OLFM1: variants seen among roughly 807,000 people sequenced by gnomAD.
OLFM1 encodes the protein olfactomedin 1.
OLFM1 carries 9 observed loss-of-function variants against 49.7 expected under a neutral mutation model. The ratio of observed to expected loss-of-function variants is 0.18; its 90% CI spans 0.11 to 0.32. The LOEUF is 0.32. OLFM1 is among the 10% of genes least tolerant of loss of function. The pLI is 1.00. For missense variants in OLFM1, 369 were observed against 661.8 expected (o/e 0.56, Z 4.85); for synonymous variants, 240 against 271.8 (o/e 0.88, Z 1.15).
At chr9:135,110,630 A>ATCAACGCCCCTTCCAGTCACTTC (rs1476400158) in intron 5 of OLFM1, among the ~76,000 whole-genome samples, 4 of 152,166 alleles carry the variant, frequency 2.6e-5, no homozygotes, top group African/African-American at 9.7e-5. Flanking sequence ...TGCAATAAAC[A>ATCAACGCCCCTTCCAGTCACTTC]TCAACGCCCC....
At chr9:135,090,640 CT>C (rs569842127) in intron 2 of OLFM1, among the ~76,000 whole-genome samples, 77 of 152,218 alleles carry the variant, frequency 5.1e-4, no homozygotes, top group African/African-American at 1.6e-3. Context: ...GACCTGCCCC[CT>C]GTCACCACAG....
chr9:135,086,839 C>A (rs1046488696), upstream of OLFM1: 2 of 400,726 alleles, frequency 5.0e-6, no homozygotes, highest in Non-Finnish European at 1.0e-5. Context: ...AGTAAGGACA[C>A]CCCCCAACCC....
chr9:135,075,862 C>A (rs1383903082), intron 1 of OLFM1: 6 of 1,505,360 alleles, frequency 4.0e-6, no homozygotes, highest in Non-Finnish European at 4.5e-6. Context: ...CCCTCGGGAG[C>A]CCCACAAAGT....
At chr9:135,082,121 G>C (rs1406357322) in intron 1 of OLFM1, among the ~76,000 whole-genome samples, 1 of 152,204 alleles carries the variant, frequency 6.6e-6, no homozygotes, top group Non-Finnish European at 1.5e-5. Flanking sequence ...CCAGCAGCAG[G>C]GATCTTGCCC....
At chr9:135,091,255 C>T (rs1260827343) in intron 2 of OLFM1, among the ~76,000 whole-genome samples, 2 of 152,238 alleles carry the variant, frequency 1.3e-5, no homozygotes, top group African/African-American at 4.8e-5. Flanking sequence ...TGTGGTTAAC[C>T]TGGGTTCTGG....
intron 1 of OLFM1, among the ~76,000 whole-genome samples, chr9:135,089,028 G>A (rs1039808345): frequency 6.6e-6 from 1 of 152,216 alleles, no homozygotes; most frequent in Non-Finnish European, 1.5e-5. Flanking sequence ...TGGCCCTTTA[G>A]GCTGAAAGGA....
chr9:135,098,641 G>C lies in OLFM1; in HGVS notation c.676+136G>C, dbSNP rs900624391. ...ATGGCTGGATTAGGGCTCCTGGGCA[G>C]GTCTACCTTGAGAGACAGCAAAGGA... On this transcript the variant is annotated intron_variant, in intron 4 of 5. Transcript: ENST00000371793. This position sits in a 1 kb window ranked among gnomAD's most constrained non-coding sequence, Gnocchi z 5.6. The C allele has an allele frequency of 4.1e-6, 3 of 730,948 alleles. No homozygotes were observed. In the Admixed American group the frequency reaches 7.4e-5, roughly 18 times the overall value. The allele number at this position is 730,948 out of a possible 1,614,324, so 45.3% of individuals were successfully genotyped here. A position where few individuals can be genotyped will look rare whatever the true frequency, so the allele number is the denominator to read the frequency against.
In OLFM1 at chr9:135,098,068, G is replaced by A. The variant is rs921212020; in HGVS notation, c.457-218G>A. The A allele has an allele frequency of 6.3e-6, 9 of 1,428,660 alleles. No homozygotes were observed. In the African/African-American group the frequency reaches 1.0e-4, roughly 16 times the overall value. 88.5% of individuals were successfully genotyped at this position (1,428,660 alleles called of 1,614,324 possible). A position where few individuals can be genotyped will look rare whatever the true frequency, so the allele number is the denominator to read the frequency against. The stretch of plus-strand genomic sequence containing the variant: ...GACTCAAAGCATGTAACCTTAAGAT[G>A]TTGCATTCTAAACTGACAATAAAGA... On this transcript the variant is annotated intron_variant, in intron 3 of 5. Transcript: ENST00000371793. This position sits in a 1 kb window ranked among gnomAD's most constrained non-coding sequence, Gnocchi z 5.6.
At chr9:135,091,814 T>A in intron 2 of OLFM1, among the ~76,000 whole-genome samples, 1 of 70,944 alleles carries the variant, frequency 1.4e-5, no homozygotes, top group African/African-American at 6.2e-5. Flanking sequence ...CACACTCACA[T>A]AGTCACACAC....
intron 5 of OLFM1, among the ~76,000 whole-genome samples, chr9:135,108,130 G>C (rs1830971706): frequency 6.6e-6 from 1 of 152,220 alleles, no homozygotes; most frequent in African/African-American, 2.4e-5. Flanking sequence ...GTTTGTCAGG[G>C]AGGTTTTTCT....
chr9:135,089,953 C>T (rs942890589), intron 1 of OLFM1, among the ~76,000 whole-genome samples: 4 of 152,172 alleles, frequency 2.6e-5, no homozygotes, highest in African/African-American at 9.7e-5. Flanking sequence ...ATTTTAAGAA[C>T]GTAAAGGGTC....
upstream of OLFM1, chr9:135,086,739 T>G: frequency 2.2e-6 from 1 of 455,380 alleles, no homozygotes; most frequent in Admixed American, 2.4e-5. Context: ...CCTGCTGCGG[T>G]CGCCGCAGAG....
rs1450754040 is a variant in OLFM1, at chr9:135,094,515, G to T, written c.301-1349G>T. ...AGGAAGACAACAAGAGAATCAGGCA[G>T]GTGGTATTAGAGGTATGCTTCCGTT... On this transcript the variant is annotated intron_variant, in intron 2 of 5. Transcript: ENST00000371793. Among the ~76,000 whole-genome samples the T allele has an allele frequency of 4.6e-5, 7 of 152,180 alleles. No individual in the cohort carries two copies. The South Asian group carries it at 1.5e-3, about 32-fold the overall frequency.
chr9:135,106,600 C>T (rs1274940877), intron 4 of OLFM1, 149 bp from the exon 5 acceptor site: 8 of 607,862 alleles, frequency 1.3e-5, no homozygotes, highest in South Asian at 2.0e-5. Flanking sequence ...AAAACAAGGG[C>T]GTGAGCAGCT....
chr9:135,076,678 C>T, intron 1 of OLFM1: 7 of 1,325,906 alleles, frequency 5.3e-6, no homozygotes, highest in Non-Finnish European at 7.0e-6. Context: ...TGCCACTGTG[C>T]CACGCTCTGA....
At chr9:135,076,471 A>G (rs1219616897) in intron 1 of OLFM1, 1 of 1,395,336 alleles carries the variant, frequency 7.2e-7, no homozygotes, top group African/African-American at 1.5e-5. Context: ...TGAACAATGT[A>G]TCAATAGAGA....
At chr9:135,081,503 T>C (rs1830532310) in intron 1 of OLFM1, among the ~76,000 whole-genome samples, 1 of 152,066 alleles carries the variant, frequency 6.6e-6, no homozygotes, top group Admixed American at 6.5e-5. Flanking sequence ...TGTGGTTTCC[T>C]TGCAACCCCT....
At chr9:135,108,506 A>G (rs562330970) in intron 5 of OLFM1, among the ~76,000 whole-genome samples, 1 of 151,952 alleles carries the variant, frequency 6.6e-6, no homozygotes, top group Non-Finnish European at 1.5e-5. Flanking sequence ...GGTGGCGTGC[A>G]CCTGTAATCC....
upstream of OLFM1, chr9:135,087,165 C>G: frequency 1.5e-6 from 2 of 1,326,686 alleles, no homozygotes; most frequent in South Asian, 3.2e-5. Flanking sequence ...CCCGACGCCC[C>G]CCTGGCGCTG....
Sources: gnomAD v4.1 joint callset for allele counts (sites outside exome capture counted in the v4.1 genomes callset) on GRCh38, gnomAD v4.1.1 for gene constraint, Gnocchi (gnomAD v3.1) non-coding constraint, MANE v1.5 for transcripts, NCBI Gene and HGNC (gene_info 2026-07-23, HGNC 2026-07-21) for gene names.